Variants in CDK8 observed in about 807,000 individuals in gnomAD.
CDK8 encodes cyclin-dependent kinase 8.
A neutral mutation model predicts 71.5 loss-of-function variants in CDK8; 29 were observed. The observed-to-expected ratio is 0.41, with a 90% CI of 0.30 to 0.55. The LOEUF is 0.55. Ranked by LOEUF, CDK8 falls within the 20% of genes least tolerant of loss-of-function variation. The pLI is 0.37. For missense variants in CDK8, 288 were observed against 572.6 expected, an observed-to-expected ratio of 0.50 and a Z score of 5.07; for synonymous variants, 161 against 192.1, an observed-to-expected ratio of 0.84 and a Z score of 1.34.
intron 1 of CDK8, among the ~76,000 whole-genome samples, chr13:26,298,855 G>A (rs929325983): frequency 3.9e-5 from 6 of 152,094 alleles, no homozygotes; most frequent in African/African-American, 1.4e-4. Context: ...GTCCTTACCA[G>A]GGTATACAGT....
intron 9 of CDK8, among the ~76,000 whole-genome samples, chr13:26,398,778 C>A (rs1876111365): frequency 6.6e-6 from 1 of 151,902 alleles, no homozygotes; most frequent in Non-Finnish European, 1.5e-5. Context: ...TTGAGACCAT[C>A]CTGGCCAATG....
chr13:26,334,518 G>A (rs549629821), intron 1 of CDK8, among the ~76,000 whole-genome samples: 4 of 152,094 alleles, frequency 2.6e-5, no homozygotes, highest in Non-Finnish European at 5.9e-5. Context: ...TCCTCTTAAT[G>A]TCTTTTTCAT....
rs566460171 is a variant in CDK8 at position 26,319,739 on chromosome 13, G to A, written c.129-17828G>A. Among the ~76,000 whole-genome samples the A allele has an allele frequency of 5.4e-5, 8 of 147,350 alleles. No individual in the cohort carries two copies. In the East Asian group the frequency reaches 1.2e-3, roughly 22 times the overall value. On this transcript the variant is annotated intron_variant, in intron 1 of 12. Coordinates refer to ENST00000381527, the MANE Select transcript of CDK8 (RefSeq NM_001260.3). ...ACCCATCCTGAAATTAATATAGAAT[G>A]TCTGGGGACTCCACATATTCACAAC...
intron 4 of CDK8, among the ~76,000 whole-genome samples, chr13:26,365,412 A>G (rs1365793008): frequency 6.6e-6 from 1 of 152,132 alleles, no homozygotes; most frequent in Non-Finnish European, 1.5e-5. Context: ...TTATTTATCA[A>G]TAAAAAAGTG....
intron 1 of CDK8, among the ~76,000 whole-genome samples, chr13:26,289,135 A>G (rs138898772): frequency 0.014 from 1,929 of 141,786 alleles, 12 homozygotes; most frequent in South Asian, 0.023. Context: ...GCTTACTGCA[A>G]CCTCTGCCTT....
intron 4 of CDK8, among the ~76,000 whole-genome samples, chr13:26,371,721 T>G (rs1874697500): frequency 1.3e-5 from 2 of 152,126 alleles, no homozygotes; most frequent in Admixed American, 1.3e-4. Context: ...GTTCAAGTGA[T>G]TCTCCTGCCT....
At position 26,371,922 on chromosome 13, in the gene CDK8, C is replaced by G. The variant is rs527966251; in HGVS notation, c.457-10892C>G. On this transcript the variant is annotated intron_variant, in intron 4 of 12. Transcript: ENST00000381527. ...CATGAGCTACCGTGCCTGGCCATAA[C>G]TTGACATTTTCTATCAGATTATGAC... Among the ~76,000 whole-genome samples, 13 of 152,152 alleles carry G rather than the reference C, an allele frequency of 8.5e-5. No homozygotes were observed. The East Asian group carries it at 2.3e-3, about 27-fold the overall frequency.
At chr13:26,334,577 T>G (rs1872897663) in intron 1 of CDK8, among the ~76,000 whole-genome samples, 1 of 152,192 alleles carries the variant, frequency 6.6e-6, no homozygotes, top group African/African-American at 2.4e-5. Flanking sequence ...TAAAACTGAT[T>G]GTTACAAAAC....
In CDK8 at chr13:26,401,567, G is replaced by A. The variant is rs777667592; in HGVS notation, c.1212G>A (p.Val404=). The change falls in exon 12 of 13, where the codon GTG becomes GTA. Residue 404 remains valine (V), a synonymous_variant. Transcript: ENST00000381527. The surrounding 1 kb of genome is among the most constrained non-coding windows in gnomAD (Gnocchi z 4.5). ...CACAGGGACCCCCGTTGAAGAAAGT[G>A]AGAGTTGTTCCTCCTACCACTACCT... ...SHTQGPPLKK[V]RVVPPTTTSG... 3.8e-5 allele frequency: 62 copies of A among 1,614,090 alleles called. No individual in the cohort carries two copies. Among genetic ancestry groups the A allele is most frequent in the Non-Finnish European group, 5.0e-5 (59 of 1,180,042 alleles).
chr13:26,307,704 A>G (rs1874106130), intron 1 of CDK8, among the ~76,000 whole-genome samples: 1 of 152,130 alleles, frequency 6.6e-6, no homozygotes, highest in Non-Finnish European at 1.5e-5. Context: ...AATAACCAAC[A>G]TGCTTGTGTT....
At chr13:26,272,793 A>G (rs1872391337) in intron 1 of CDK8, among the ~76,000 whole-genome samples, 1 of 152,256 alleles carries the variant, frequency 6.6e-6, no homozygotes, top group South Asian at 2.1e-4. Flanking sequence ...CTATGAAGTT[A>G]CAATGGCTAC....
intron 4 of CDK8, among the ~76,000 whole-genome samples, chr13:26,376,575 T>C (rs1024385664): frequency 2.0e-5 from 3 of 152,230 alleles, no homozygotes; most frequent in African/African-American, 7.2e-5. Flanking sequence ...TGCCATGCAG[T>C]TTTTGTACTG....
At chr13:26,319,683 C>CTTT (rs57713231) in intron 1 of CDK8, among the ~76,000 whole-genome samples, 21 of 137,506 alleles carry the variant, frequency 1.5e-4, no homozygotes, top group African/African-American at 4.8e-4. Flanking sequence ...ATCCAAATGG[C>CTTT]TTTTTTTTTT....
chr13:26,350,304 T>C (rs1873633317), intron 3 of CDK8, among the ~76,000 whole-genome samples: 1 of 152,164 alleles, frequency 6.6e-6, no homozygotes, highest in Admixed American at 6.5e-5. Flanking sequence ...TTAATATCTC[T>C]TGGGACTTTT....
intron 2 of CDK8, among the ~76,000 whole-genome samples, chr13:26,347,323 GA>G (rs1385736963): frequency 2.6e-5 from 4 of 152,138 alleles, no homozygotes; most frequent in Non-Finnish European, 4.4e-5. Flanking sequence ...TTAAATGCCT[GA>G]AATTAGGTGC....
chr13:26,293,769 A>C (rs573941241), intron 1 of CDK8, among the ~76,000 whole-genome samples: 1 of 152,256 alleles, frequency 6.6e-6, no homozygotes, highest in East Asian at 1.9e-4. Flanking sequence ...AGCTATGTTG[A>C]GCTAATTAAC....
intron 1 of CDK8, among the ~76,000 whole-genome samples, chr13:26,291,647 A>G (rs1873306435): frequency 1.3e-5 from 2 of 152,164 alleles, no homozygotes; most frequent in African/African-American, 4.8e-5. Flanking sequence ...TTTTCTCTCT[A>G]ATTTCAGCGT....
chr13:26,311,463 A>G (rs943681), intron 1 of CDK8, among the ~76,000 whole-genome samples: 126,325 of 152,192 alleles, frequency 0.83, 54,102 homozygotes, highest in East Asian at 1. Flanking sequence ...GGAGATTCTA[A>G]TATCTCACAA....
intron 1 of CDK8, among the ~76,000 whole-genome samples, chr13:26,271,932 T>G (rs1274959718): frequency 6.7e-6 from 1 of 148,588 alleles, no homozygotes; most frequent in Non-Finnish European, 1.5e-5. Context: ...GGTGAGTCAG[T>G]GGTAAGTGCA....
Sources: gnomAD v4.1 joint callset for allele counts (sites outside exome capture counted in the v4.1 genomes callset) on GRCh38, gnomAD v4.1.1 for gene constraint, Gnocchi (gnomAD v3.1) non-coding constraint, MANE v1.5 for transcripts, NCBI Gene and HGNC (gene_info 2026-07-23, HGNC 2026-07-21) for gene names.